The following MAGI1 variants were observed in gnomAD, a reference collection of about 807,000 sequenced individuals.
The protein encoded by MAGI1 is membrane-associated guanylate kinase, WW and PDZ domain-containing protein 1.
A neutral mutation model predicts 139.9 loss-of-function variants in MAGI1; 58 were observed. That is an observed-to-expected ratio of 0.41 (90% confidence interval 0.34 to 0.52). The LOEUF (loss-of-function observed/expected upper bound fraction) is 0.52, where lower values mean the gene tolerates loss of function less well. Ranked by LOEUF, MAGI1 falls within the 20% of genes least tolerant of loss-of-function variation. The pLI, the probability that MAGI1 is intolerant of heterozygous loss-of-function variation, is 0.12. For synonymous variants in MAGI1, 812 were observed against 737.9 expected, an observed-to-expected ratio of 1.10 and a Z score of -1.63; for missense variants, 1,874 against 1,901.6, an observed-to-expected ratio of 0.99 and a Z score of 0.27.
At chr3:66,024,544 C>T (rs1019104902) in intron 1 of MAGI1, among the ~76,000 whole-genome samples, 2 of 152,100 alleles carry the variant, frequency 1.3e-5, no homozygotes, top group African/African-American at 2.4e-5. Context: ...CGGTGGCTCA[C>T]GCCTGTAATC....
intron 1 of MAGI1, among the ~76,000 whole-genome samples, chr3:65,658,686 A>G (rs751401683): frequency 6.6e-6 from 1 of 152,182 alleles, no homozygotes; most frequent in Non-Finnish European, 1.5e-5. Context: ...GAGCAAGGCT[A>G]TGGAACACAA....
At chr3:65,490,654 G>A (rs1951942979) in intron 3 of MAGI1, among the ~76,000 whole-genome samples, 1 of 151,682 alleles carries the variant, frequency 6.6e-6, no homozygotes, top group Non-Finnish European at 1.5e-5. Flanking sequence ...GACCATCCTG[G>A]CCAACACGGT....
chr3:65,746,118 C>A (rs1413054203), intron 1 of MAGI1, among the ~76,000 whole-genome samples: 1 of 152,186 alleles, frequency 6.6e-6, no homozygotes, highest in Non-Finnish European at 1.5e-5. Context: ...TCACTGCAAC[C>A]TCTGCCTCCC....
chr3:65,976,084 C>G (rs2065250696), intron 1 of MAGI1, among the ~76,000 whole-genome samples: 1 of 152,122 alleles, frequency 6.6e-6, no homozygotes, highest in African/African-American at 2.4e-5. Context: ...CAGTTCTACT[C>G]TGAGTGCCAA....
At chr3:65,964,124 A>C (rs905984934) in intron 1 of MAGI1, among the ~76,000 whole-genome samples, 2 of 152,200 alleles carry the variant, frequency 1.3e-5, no homozygotes, top group Non-Finnish European at 2.9e-5. Context: ...ACACAATTTT[A>C]ACCCATTAAG....
chr3:65,826,385 ATTATTT>A (rs1226054155), intron 1 of MAGI1, among the ~76,000 whole-genome samples: 4 of 152,238 alleles, frequency 2.6e-5, no homozygotes, highest in Non-Finnish European at 1.5e-5. Flanking sequence ...AGAAGGGAAT[ATTATTT>A]TTAAACATGT....
intron 1 of MAGI1, among the ~76,000 whole-genome samples, chr3:65,915,108 G>T (rs2061839284): frequency 6.6e-6 from 1 of 152,174 alleles, no homozygotes; most frequent in Non-Finnish European, 1.5e-5. Context: ...AAATGATGTT[G>T]ATCAGTCCCT....
intron 1 of MAGI1, among the ~76,000 whole-genome samples, chr3:65,878,212 G>T (rs1192500991): frequency 2.6e-5 from 4 of 152,112 alleles, no homozygotes; most frequent in Admixed American, 2.6e-4. Flanking sequence ...CAAGTCAAAA[G>T]TTGGATATAA....
Position 66,018,993 on chromosome 3 carries a change from T to A in MAGI1, c.313+19003A>T, listed in dbSNP as rs147348870. Among the ~76,000 whole-genome samples, 376 of 152,316 alleles carry A rather than the reference T, an allele frequency of 2.5e-3. 4 individuals carry two copies. The highest frequency in any genetic ancestry group is 0.014 in the South Asian group (66 of 4,828). On this transcript the variant is annotated intron_variant, in intron 1 of 22. Transcript: ENST00000402939. ...CCTACCCACACCAAGAAGGATGCCATCTTGATTGGTTCATTCATTCACTCA... is the reference window on the plus strand; with the variant it reads ...CCTACCCACACCAAGAAGGATGCCAACTTGATTGGTTCATTCATTCACTCA...
chr3:65,439,672 G>T (rs918220174), intron 9 of MAGI1, among the ~76,000 whole-genome samples: 4 of 152,102 alleles, frequency 2.6e-5, no homozygotes, highest in African/African-American at 9.7e-5. Flanking sequence ...ATGGAGATTT[G>T]AGTGACTTTG....
chr3:65,597,624 A>G, intron 2 of MAGI1: 1 of 452,696 alleles, frequency 2.2e-6, no homozygotes, highest in Non-Finnish European at 4.4e-6. Flanking sequence ...TCCCTGGTCC[A>G]CACACCACAC....
At chr3:65,531,540 G>C (rs1426482884) in intron 2 of MAGI1, among the ~76,000 whole-genome samples, 1 of 152,054 alleles carries the variant, frequency 6.6e-6, no homozygotes, top group Admixed American at 6.6e-5. Flanking sequence ...GTAATAATAA[G>C]ATTAACATTC....
intron 1 of MAGI1, chr3:65,687,763 A>C (rs556025226): frequency 1.8e-6 from 1 of 559,378 alleles, no homozygotes; most frequent in Non-Finnish European, 3.6e-6. Context: ...TGAAGTTTTG[A>C]CCATGCCTAC....
rs2089327388 is a variant in MAGI1, at chr3:65,697,859, T to C, written c.314-75771A>G. ...TCACCACTCCTATTCAACATAGTGTTGGAAGTTCTGGCCAGGGCAATTAGG... is the reference window on the plus strand; with the variant it reads ...TCACCACTCCTATTCAACATAGTGTCGGAAGTTCTGGCCAGGGCAATTAGG... On this transcript the variant is annotated intron_variant, in intron 1 of 22. Coordinates refer to ENST00000402939, the MANE Select transcript of MAGI1 (RefSeq NM_001033057.2). Among the ~76,000 whole-genome samples the C allele has an allele frequency of 2.8e-5, 2 of 70,580 alleles. 1 individual carries two copies. The highest frequency in any genetic ancestry group is 5.2e-5 in the Non-Finnish European group (2 of 38,224). The allele number at this position is 70,580 out of a possible 152,430, so 46.3% of individuals were successfully genotyped here. A position where few individuals can be genotyped will look rare whatever the true frequency, so the allele number is the denominator to read the frequency against.
chr3:65,800,180 C>A (rs2040425119), intron 1 of MAGI1, among the ~76,000 whole-genome samples: 1 of 152,284 alleles, frequency 6.6e-6, no homozygotes, highest in South Asian at 2.1e-4. Context: ...ACATGTAAAG[C>A]ATTCAGAATA....
At chr3:65,935,098 T>C (rs1354016336) in intron 1 of MAGI1, among the ~76,000 whole-genome samples, 1 of 151,982 alleles carries the variant, frequency 6.6e-6, no homozygotes, top group East Asian at 1.9e-4. Context: ...AAATCTAGGG[T>C]GTTTGGAAAG....
intron 1 of MAGI1, among the ~76,000 whole-genome samples, chr3:65,811,692 A>AC (rs1457268849): frequency 7.3e-5 from 11 of 151,704 alleles, no homozygotes; most frequent in African/African-American, 2.7e-4. Context: ...AAATACACAA[A>AC]CAAAAAAAAA....
chr3:65,797,440 C>T (rs372699484), intron 1 of MAGI1, among the ~76,000 whole-genome samples: 18 of 152,256 alleles, frequency 1.2e-4, no homozygotes, highest in African/African-American at 4.1e-4. Context: ...AAACAGAAAC[C>T]GGCCAGGCAC....
At chr3:65,590,978 G>A (rs1322112197) in intron 2 of MAGI1, among the ~76,000 whole-genome samples, 1 of 152,158 alleles carries the variant, frequency 6.6e-6, no homozygotes, top group Non-Finnish European at 1.5e-5. Flanking sequence ...CCTAAAATGT[G>A]CATTCTCTTT....
Sources: gnomAD v4.1 joint callset for allele counts (sites outside exome capture counted in the v4.1 genomes callset) on GRCh38, gnomAD v4.1.1 for gene constraint, MANE v1.5 for transcripts, NCBI Gene and HGNC (gene_info 2026-07-23, HGNC 2026-07-21) for gene names.